FTSJ3: variants seen among roughly 807,000 people sequenced by gnomAD.
FTSJ3 encodes pre-rRNA 2'-O-ribose RNA methyltransferase FTSJ3.
A neutral mutation model predicts 111.5 loss-of-function variants in FTSJ3; 46 were observed. That is an observed-to-expected ratio of 0.41 (90% CI 0.33 to 0.53). FTSJ3 has a LOEUF of 0.53. FTSJ3 is among the 20% of genes least tolerant of loss of function. The probability of loss-of-function intolerance (pLI) is 0.19; values close to 1 mark genes in which losing one functional copy is unlikely to be tolerated. For missense variants in FTSJ3, 1,075 were observed against 1,063.8 expected, an observed-to-expected ratio of 1.01 and a Z score of -0.15; for synonymous variants, 408 against 383.0, an observed-to-expected ratio of 1.07 and a Z score of -0.76.
chr17:63,820,802 C>A (rs371486359), intron 18 of FTSJ3, 37 bp downstream of exon 18: 1 of 1,482,768 alleles, frequency 6.7e-7, no homozygotes. Flanking sequence ...ACCCACCAGA[C>A]CCTGGGTCAC....
Position 63,827,453 on chromosome 17 carries a change from A to G in FTSJ3, c.-428T>C. ...TCCGCTTCCGCGCTTGCGCGCCAAG[A>G]CGGCTCGGATGCCGGCGGTCTCTGC... On this transcript the variant is annotated 5_prime_UTR_variant, in exon 1 of 21. Transcript: ENST00000427159. 1.3e-6 allele frequency: 2 copies of G among 1,551,704 alleles called. No individual in the cohort carries two copies. The highest frequency in any genetic ancestry group is 1.4e-5 in the African/African-American group (1 of 73,172).
intron 13 of FTSJ3, chr17:63,823,605 A>T (rs933187393): frequency 3.5e-5 from 19 of 549,194 alleles, no homozygotes; most frequent in East Asian, 1.2e-4. Context: ...AAAAAAAAAA[A>T]AAATAAATCT....
chr17:63,823,972 G>T lies in FTSJ3; in HGVS notation c.1155-20C>A. ...TTCTTCCTGAGGGGGTGGATTGAGG[G>T]AGTAAAACCGGCCCAGCTCCAAAGT... On this transcript the variant is annotated intron_variant, in intron 12 of 20. Coordinates refer to ENST00000427159, the MANE Select transcript of FTSJ3 (RefSeq NM_017647.4). 1 of 1,614,098 alleles carries T rather than the reference G, an allele frequency of 6.2e-7. No individual in the cohort carries two copies. The highest frequency in any genetic ancestry group is 8.5e-7 in the Non-Finnish European group (1 of 1,179,994).
chr17:63,825,779 G>A, intron 5 of FTSJ3, 144 bp from the exon 6 acceptor site: 1 of 689,494 alleles, frequency 1.5e-6, no homozygotes, highest in Non-Finnish European at 2.5e-6. Flanking sequence ...AACAAAAACA[G>A]TATGTCTCTA....
At chr17:63,826,482 C>G in intron 3 of FTSJ3, 85 bp downstream of exon 3, 1 of 1,286,406 alleles carries the variant, frequency 7.8e-7, no homozygotes, top group Non-Finnish European at 1.1e-6. Flanking sequence ...ATTCGGGTTC[C>G]CCTCCCGCAG....
In FTSJ3 at chr17:63,825,258, G is replaced by A. The variant is rs751534491; in HGVS notation, c.579C>T (p.Ile193=). Residue 193 remains isoleucine, a synonymous_variant, in exon 7 of 21, where the codon ATC becomes ATT. Transcript: ENST00000427159. The part of the protein sequence containing the change: ...PQASRHESAE[I]FVVCQGFLAP... The stretch of plus-strand genomic sequence containing the variant: ...GATGCCCACCTTGGCAGACTACAAA[G>A]ATCTCTGCAGATTCATGGCGAGAGG... 3 of 1,614,214 alleles carry A rather than the reference G, an allele frequency of 1.9e-6. No homozygotes were observed. The highest frequency in any genetic ancestry group is 3.3e-5 in the Admixed American group (2 of 60,020).
At position 63,826,827 on chromosome 17, in the gene FTSJ3, CG is replaced by C. The variant is rs552737532; in HGVS notation, c.67+8del. Reference sequence around the variant, plus strand: ...CGCTCGCTCGCAGACTGAGCGAATCCGGACTCACCCGTCTCCTTCGCCAAGT... The same window carrying C: ...CGCTCGCTCGCAGACTGAGCGAATCCGACTCACCCGTCTCCTTCGCCAAGT... On this transcript the variant is annotated splice_region_variant and intron_variant, in intron 2 of 20. Coordinates refer to ENST00000427159, the MANE Select transcript of FTSJ3 (RefSeq NM_017647.4). The C allele has an allele frequency of 5.5e-5, 89 of 1,613,682 alleles. No individual in the cohort carries two copies. The African/African-American group carries it at 1.1e-3, about 21-fold the overall frequency.
chr17:63,824,153 T>G lies in FTSJ3; in HGVS notation c.1085A>C (p.Glu362Ala). ...TKQPSKEEEEEEEEEQLNQTL... is the reference protein window; with the variant it reads ...TKQPSKEEEEAEEEEQLNQTL... ...CTGGTTCAGTTGTTCCTCCTCCTCC[T>G]CTTCCTCCTCCTCCTTAGAGGGCTG... The change falls in exon 12 of 21, where the codon GAG becomes GCG. Residue 362 changes from glutamate (E) to alanine (A), a missense_variant. Around this residue, in one of 2 missense-constraint regions of FTSJ3, gnomAD observed 867 missense variants for 796.9 expected, o/e 1.09. Transcript: ENST00000427159. 1 of 1,613,740 alleles carries G rather than the reference T, an allele frequency of 6.2e-7. No homozygotes were observed. The highest frequency in any genetic ancestry group is 8.5e-7 in the Non-Finnish European group (1 of 1,179,832).
rs770015209 is a variant in FTSJ3, at chr17:63,820,132, G to A, written c.2298C>T (p.Ala766=). 2.5e-6 allele frequency: 4 copies of A among 1,614,056 alleles called. No individual in the cohort carries two copies. The highest frequency in any genetic ancestry group is 2.2e-5 in the South Asian group (2 of 91,072). ...RLEQTRKKAE[A]VVNTVDISER... Reference sequence around the variant, plus strand: ...CTGAGATGTCCACTGTGTTCACCACGGCTTCTGCCTTCTTCCTGGTCTGCT... The same window carrying A: ...CTGAGATGTCCACTGTGTTCACCACAGCTTCTGCCTTCTTCCTGGTCTGCT... Residue 766 remains alanine (A), a synonymous_variant, in exon 20 of 21, where the codon GCC becomes GCT. Transcript: ENST00000427159.
At chr17:63,820,202 T>TGGGCGTGG in intron 19 of FTSJ3, 29 bp from the exon 20 acceptor site, 1 of 1,593,212 alleles carries the variant, frequency 6.3e-7, no homozygotes, top group Non-Finnish European at 8.6e-7. Context: ...GGTGACCTCT[T>TGGGCGTGG]CCCCATCCCC....
rs372869515 is a variant in FTSJ3 at position 63,819,908 on chromosome 17, C to T, written c.2438G>A (p.Arg813Gln). Residue 813 changes from arginine (R) to glutamine (Q), a missense_variant, in exon 21 of 21, where the codon CGG (arginine) becomes CAG (glutamine). This residue lies in a region of FTSJ3 where 867 missense variants were observed against 796.9 expected (regional missense o/e 1.09). Coordinates refer to ENST00000427159, the MANE Select transcript of FTSJ3 (RefSeq NM_017647.4). ...GAAATGACCTCTGACTCCAGCTGGCCGGCGCACTTTGCGGCCCACACCTTT... is the reference window on the plus strand; with the variant it reads ...GAAATGACCTCTGACTCCAGCTGGCTGGCGCACTTTGCGGCCCACACCTTT... ...AKKGVGRKVRRPAGVRGHFKV... is the reference protein window; with the variant it reads ...AKKGVGRKVRQPAGVRGHFKV... The T allele has an allele frequency of 7.4e-6, 12 of 1,614,048 alleles. No homozygotes were observed. The highest frequency in any genetic ancestry group is 5.3e-5 in the African/African-American group (4 of 74,904).
intron 13 of FTSJ3, 72 bp downstream of exon 13, chr17:63,823,745 A>G (rs1326193099): frequency 1.3e-6 from 2 of 1,541,830 alleles, no homozygotes; most frequent in East Asian, 2.3e-5. Flanking sequence ...AAAGACATTC[A>G]ACACCCCCCA....
In FTSJ3 at chr17:63,821,742, G is replaced by C; in HGVS notation, c.1577C>G (p.Ala526Gly). The change falls in exon 15 of 21, where the codon GCC becomes GGC. Residue 526 changes from alanine (A) to glycine (G), a missense_variant. Ala to Gly is a moderately conservative substitution (Grantham distance 60). This residue lies in a region of FTSJ3 where 867 missense variants were observed against 796.9 expected (regional missense o/e 1.09). Coordinates refer to ENST00000427159, the MANE Select transcript of FTSJ3 (RefSeq NM_017647.4). ...CCTTACCTTTGAGAACCACAGGTTG[G>C]CTTGTTCTTCCTGCAGTACTGCCTT... is the stretch of plus-strand genomic sequence containing the variant. ...EEKAVLQEEQ[A>G]NLWFSKGSFA... 1 of 1,614,200 alleles carries C rather than the reference G, an allele frequency of 6.2e-7. No homozygotes were observed. Among genetic ancestry groups the C allele is most frequent in the Non-Finnish European group, 8.5e-7 (1 of 1,180,026 alleles).
rs369847580 is a variant in FTSJ3 at position 63,821,111 on chromosome 17, C to A, written c.1891G>T (p.Glu631Ter). 3 of 1,613,926 alleles carry A rather than the reference C, an allele frequency of 1.9e-6. No individual in the cohort carries two copies. The highest frequency in any genetic ancestry group is 2.5e-6 in the Non-Finnish European group (3 of 1,179,980). Residue 631 changes from glutamate (E) to a stop codon, truncating the protein, a stop_gained, in exon 17 of 21, where the codon GAA (glutamate) becomes TAA (stop). Coordinates refer to ENST00000427159, the MANE Select transcript of FTSJ3 (RefSeq NM_017647.4). LOFTEE classifies it high-confidence loss of function. ...CTTCGCTTCTTACCACGGAGGGGTT[C>A]CCAGCTGTGAAGAGGGGAGGACTCT... ...STSSEEEESW[E>*]PLRGKKRSRG...
chr17:63,826,343 CTT>C (rs2040103505), intron 3 of FTSJ3, 39 bp from the exon 4 acceptor site: 3 of 1,600,326 alleles, frequency 1.9e-6, no homozygotes, highest in African/African-American at 2.7e-5. Flanking sequence ...TAGAGCCATC[CTT>C]TTCCCCCTCT....
At chr17:63,826,811 G>A in intron 2 of FTSJ3, 25 bp downstream of exon 2, 1 of 1,609,588 alleles carries the variant, frequency 6.2e-7, no homozygotes. Context: ...TCGCTCGCTC[G>A]CAGACTGAGC....
Position 63,820,358 on chromosome 17 carries a change from G to C in FTSJ3, c.2153C>G (p.Pro718Arg), listed in dbSNP as rs1396084948. 1 of 1,613,946 alleles carries C rather than the reference G, an allele frequency of 6.2e-7. No individual in the cohort carries two copies. The highest frequency in any genetic ancestry group is 1.3e-5 in the African/African-American group (1 of 74,864). ...ATGCTCCACCTCCTTCTTACCAACA[G>C]GCAACTGTCGTATCCGGTGCTGCTT... is the stretch of plus-strand genomic sequence containing the variant. ...EEKQHRIRQLPVGKKEVEHYR... is the reference protein window; with the variant it reads ...EEKQHRIRQLRVGKKEVEHYR... The change falls in exon 19 of 21, where the codon CCT (proline) becomes CGT (arginine). Residue 718 changes from proline (P) to arginine (R), a missense_variant. Physicochemically the swap from Pro to Arg is moderately radical, Grantham distance 103. This residue lies in a region of FTSJ3 where 867 missense variants were observed against 796.9 expected (regional missense o/e 1.09). Coordinates refer to ENST00000427159, the MANE Select transcript of FTSJ3 (RefSeq NM_017647.4).
chr17:63,824,432 C>G (rs781502775), intron 10 of FTSJ3, 21 bp from the exon 11 acceptor site: 1 of 1,611,522 alleles, frequency 6.2e-7, no homozygotes, highest in Middle Eastern at 1.7e-4. Flanking sequence ...GATACTATTA[C>G]TGATCTTGCC....
At chr17:63,823,272 A>G (rs1179050554) in intron 13 of FTSJ3, among the ~76,000 whole-genome samples, 1 of 152,138 alleles carries the variant, frequency 6.6e-6, no homozygotes, top group Non-Finnish European at 1.5e-5. Flanking sequence ...CTATAACCTA[A>G]GTTCTTTTCT....
Sources: gnomAD v4.1 joint callset for allele counts (sites outside exome capture counted in the v4.1 genomes callset) on GRCh38, gnomAD v4.1.1 for gene constraint, gnomAD v4.1.1 regional missense constraint, MANE v1.5 for transcripts, NCBI Gene and HGNC (gene_info 2026-07-23, HGNC 2026-07-21) for gene names.